The following APBA1 variants were observed in gnomAD, a reference collection of about 807,000 sequenced individuals.
The protein encoded by APBA1 is amyloid beta precursor protein binding family A member 1.
Under a neutral mutation model 86.6 loss-of-function variants are expected in APBA1, and 55 were observed. The observed-to-expected ratio is 0.64, with a 90% CI of 0.51 to 0.80. The LOEUF is 0.80. APBA1 is among the 30% of genes least tolerant of loss of function. The probability of loss-of-function intolerance (pLI) is 0.00; values close to 1 mark genes in which losing one functional copy is unlikely to be tolerated. For missense variants in APBA1, 1,090 were observed against 1,183.0 expected, an observed-to-expected ratio of 0.92 and a Z score of 1.15; for synonymous variants, 511 against 493.9, an observed-to-expected ratio of 1.03 and a Z score of -0.46.
At chr9:69,510,367 A>C (rs1180770500) in intron 2 of APBA1, among the ~76,000 whole-genome samples, 1 of 149,998 alleles carries the variant, frequency 6.7e-6, no homozygotes, top group African/African-American at 2.5e-5. Context: ...CTTACAAGGG[A>C]TGTGAAGGAC....
At chr9:69,541,456 G>C (rs558292700) in intron 1 of APBA1, among the ~76,000 whole-genome samples, 15 of 151,892 alleles carry the variant, frequency 9.9e-5, no homozygotes, top group African/African-American at 3.6e-4. Flanking sequence ...TTAATGATTA[G>C]TGATGTTAAG....
chr9:69,583,850 C>A (rs139775456), intron 1 of APBA1, among the ~76,000 whole-genome samples: 1 of 152,300 alleles, frequency 6.6e-6, no homozygotes, highest in Admixed American at 6.5e-5. Flanking sequence ...ACTTAGCCTC[C>A]CAGGCTTCTA....
intron 1 of APBA1, among the ~76,000 whole-genome samples, chr9:69,661,643 G>A (rs1050928473): frequency 1.3e-5 from 2 of 152,128 alleles, no homozygotes; most frequent in Non-Finnish European, 2.9e-5. Context: ...AATCCCCAAT[G>A]TGGCAGTATT....
chr9:69,467,678 CAGGCACATGGAT>C, intron 5 of APBA1, 133 bp downstream of exon 5: 1 of 1,119,234 alleles, frequency 8.9e-7, no homozygotes, highest in Non-Finnish European at 1.2e-6. Flanking sequence ...GTTTTGTTAG[CAGGCACATGGAT>C]AAGCACTGCC....
At chr9:69,546,956 G>A (rs765110757) in intron 1 of APBA1, among the ~76,000 whole-genome samples, 8 of 152,282 alleles carry the variant, frequency 5.3e-5, no homozygotes, top group Non-Finnish European at 4.4e-5. Context: ...AAAGTGTTAC[G>A]CATACATTTA....
chr9:69,440,181 C>T (rs1834789161), intron 11 of APBA1, among the ~76,000 whole-genome samples: 1 of 152,206 alleles, frequency 6.6e-6, no homozygotes, highest in Admixed American at 6.5e-5. Context: ...TGTGAGGTGT[C>T]AGTCTGCTCC....
intron 1 of APBA1, among the ~76,000 whole-genome samples, chr9:69,541,256 C>T (rs921021465): frequency 1.3e-5 from 2 of 148,978 alleles, no homozygotes; most frequent in Non-Finnish European, 3.0e-5. Context: ...TAGGGACCCC[C>T]CCCCCCATTC....
intron 2 of APBA1, among the ~76,000 whole-genome samples, chr9:69,496,735 G>A (rs143482691): frequency 1.2e-4 from 18 of 152,004 alleles, no homozygotes; most frequent in East Asian, 5.8e-4. Context: ...ACTTTCTTCC[G>A]TCTATTAATT....
chr9:69,454,821 A>G (rs993530658), intron 8 of APBA1, among the ~76,000 whole-genome samples: 4 of 150,924 alleles, frequency 2.7e-5, no homozygotes, highest in Admixed American at 2.6e-4. Flanking sequence ...AGGAGGCTTA[A>G]AAGTCCAAAT....
At chr9:69,527,212 C>A (rs1261078932) in intron 1 of APBA1, among the ~76,000 whole-genome samples, 2 of 151,614 alleles carry the variant, frequency 1.3e-5, no homozygotes, top group African/African-American at 4.8e-5. Flanking sequence ...TACATGTACC[C>A]CCTGAATCTA....
chr9:69,549,659 C>T (rs1224453003), intron 1 of APBA1, among the ~76,000 whole-genome samples: 3 of 151,894 alleles, frequency 2.0e-5, no homozygotes, highest in Non-Finnish European at 4.4e-5. Context: ...CTTTTACATC[C>T]GAAAAATTCG....
At chr9:69,461,682 G>C (rs1042058507) in intron 5 of APBA1, 10 of 152,164 alleles carry the variant, frequency 6.6e-5, no homozygotes, top group African/African-American at 2.4e-4. Context: ...ACTTGCCCCA[G>C]GTCACACAGC....
At chr9:69,578,879 T>G (rs1259272956) in intron 1 of APBA1, among the ~76,000 whole-genome samples, 1 of 152,222 alleles carries the variant, frequency 6.6e-6, no homozygotes, top group Non-Finnish European at 1.5e-5. Context: ...GACACCATTG[T>G]ACCCAGCACC....
At chr9:69,515,181 G>T (rs1439144949) in intron 2 of APBA1, among the ~76,000 whole-genome samples, 1 of 152,180 alleles carries the variant, frequency 6.6e-6, no homozygotes, top group Non-Finnish European at 1.5e-5. Context: ...ACAGAGCAGG[G>T]ATAGGGATGC....
intron 1 of APBA1, among the ~76,000 whole-genome samples, chr9:69,654,618 A>G (rs769939000): frequency 1.2e-4 from 19 of 152,348 alleles, no homozygotes; most frequent in Admixed American, 5.2e-4. Context: ...TAAATTCTAC[A>G]TAACATTTAA....
chr9:69,553,178 T>A (rs956192860), intron 1 of APBA1, among the ~76,000 whole-genome samples: 2 of 152,238 alleles, frequency 1.3e-5, no homozygotes, highest in Middle Eastern at 3.2e-3. Context: ...AGTGCTGGCA[T>A]GAGCCACCAT....
At chr9:69,469,572 G>C (rs1835333534) in intron 4 of APBA1, among the ~76,000 whole-genome samples, 1 of 152,188 alleles carries the variant, frequency 6.6e-6, no homozygotes, top group Admixed American at 6.5e-5. Flanking sequence ...GTGGTACACA[G>C]ACAAATCTGC....
In APBA1 at chr9:69,516,832, C is replaced by A; in HGVS notation, c.379G>T (p.Glu127Ter). 1 of 1,605,034 alleles carries A rather than the reference C, an allele frequency of 6.2e-7. No individual in the cohort carries two copies. The change falls in exon 2 of 13, where the codon GAG becomes TAG. Residue 127 changes from glutamate (E) to a stop codon, truncating the protein, a stop_gained. Transcript: ENST00000265381. LOFTEE classifies it high-confidence loss of function. The surrounding 1 kb of genome is among the most constrained non-coding windows in gnomAD (Gnocchi z 7.3). Reference protein sequence around the residue: ...AYAVQYRPEAEEYTEQAEAEH... With the variant: ...AYAVQYRPEA ...GCCTCTGCCTGCTCCGTGTACTCCT[C>A]GGCCTCGGGCCGGTACTGCACAGCA...
chr9:69,624,190 G>A (rs1031223695), intron 1 of APBA1, among the ~76,000 whole-genome samples: 2 of 152,082 alleles, frequency 1.3e-5, no homozygotes, highest in Non-Finnish European at 1.5e-5. Flanking sequence ...AGAGCAGCAC[G>A]AATTTACAAT....
Sources: allele counts gnomAD v4.1 joint callset (sites outside exome capture counted in the v4.1 genomes callset), GRCh38; gene constraint gnomAD v4.1.1; non-coding constraint Gnocchi (gnomAD v3.1); transcripts MANE v1.5; gene names NCBI Gene and HGNC (gene_info 2026-07-23, HGNC 2026-07-21).